The following CRPPA variants were observed in gnomAD, a reference collection of about 807,000 sequenced individuals.
CRPPA encodes the protein D-ribitol-5-phosphate cytidylyltransferase.
A neutral mutation model predicts 52.0 loss-of-function variants in CRPPA; 43 were observed. That is an observed-to-expected ratio of 0.83 (90% CI 0.65 to 1.07). CRPPA has a LOEUF of 1.07. Among genes scored for constraint, CRPPA ranks in the 50% least tolerant of loss-of-function variants. CRPPA has a pLI of 0.00. For missense variants in CRPPA, 629 were observed against 551.7 expected, an observed-to-expected ratio of 1.14 and a Z score of -1.40; for synonymous variants, 250 against 203.5, an observed-to-expected ratio of 1.23 and a Z score of -1.94.
At chr7:16,218,276 G>A (rs1170480389) in intron 8 of CRPPA, among the ~76,000 whole-genome samples, 2 of 114,348 alleles carry the variant, frequency 1.7e-5, no homozygotes, top group African/African-American at 3.3e-5. Flanking sequence ...TGCCCTACAA[G>A]AGCTCCTGAA....
intron 2 of CRPPA, among the ~76,000 whole-genome samples, chr7:16,387,074 T>TATATATATACACAC (rs1787303011): frequency 1.4e-5 from 1 of 69,842 alleles, no homozygotes; most frequent in African/African-American, 7.4e-5. Flanking sequence ...TATATATATA[T>TATATATATACACAC]ATATATATAT....
intron 9 of CRPPA, among the ~76,000 whole-genome samples, chr7:16,197,219 A>G (rs546166233): frequency 1.7e-4 from 26 of 152,304 alleles, no homozygotes; most frequent in African/African-American, 5.5e-4. Flanking sequence ...TAGGGACACA[A>G]TGGCTTTCCA....
chr7:16,321,204 C>T (rs958917005), intron 3 of CRPPA, among the ~76,000 whole-genome samples: 1 of 152,032 alleles, frequency 6.6e-6, no homozygotes, highest in Non-Finnish European at 1.5e-5. Flanking sequence ...ATACAGGAAA[C>T]AATGTTATCA....
In CRPPA at chr7:16,143,797, G is replaced by A. The variant is rs568948963; in HGVS notation, c.1252-51998C>T. On this transcript the variant is annotated intron_variant, in intron 9 of 9. Coordinates refer to ENST00000407010, the MANE Select transcript of CRPPA (RefSeq NM_001101426.4). Reference sequence around the variant, plus strand: ...AGACACTTCTAGAGGGGTACCATCTGGAAAAGTATGGCAGTTGTCCTGCCA... The same window carrying A: ...AGACACTTCTAGAGGGGTACCATCTAGAAAAGTATGGCAGTTGTCCTGCCA... 1.2e-3 allele frequency among the ~76,000 whole-genome samples: 183 copies of A among 152,206 alleles called. 2 individuals are homozygous for A. Among genetic ancestry groups the A allele is most frequent in the African/African-American group, 4.2e-3 (175 of 41,520 alleles).
chr7:16,401,409 A>G (rs1787814925), intron 2 of CRPPA, among the ~76,000 whole-genome samples: 1 of 152,228 alleles, frequency 6.6e-6, no homozygotes, highest in Non-Finnish European at 1.5e-5. Context: ...GCTATGATTT[A>G]TAACATAAAT....
intron 2 of CRPPA, among the ~76,000 whole-genome samples, chr7:16,399,692 A>G (rs188143360): frequency 6.6e-6 from 1 of 152,018 alleles, no homozygotes; most frequent in Admixed American, 6.6e-5. Context: ...GTGACACGTG[A>G]GCAACACGTG....
At chr7:16,218,064 G>A (rs1250119623) in intron 8 of CRPPA, among the ~76,000 whole-genome samples, 2 of 151,946 alleles carry the variant, frequency 1.3e-5, no homozygotes, top group African/African-American at 4.8e-5. Flanking sequence ...ACCCTCAAAG[G>A]GAAGCCCATC....
intron 2 of CRPPA, among the ~76,000 whole-genome samples, chr7:16,397,247 C>T (rs1453988124): frequency 6.6e-6 from 1 of 152,146 alleles, no homozygotes; most frequent in Admixed American, 6.5e-5. Flanking sequence ...ATGTAACTGA[C>T]ATGTACACAT....
At chr7:16,346,703 G>C (rs1175339328) in intron 3 of CRPPA, among the ~76,000 whole-genome samples, 4 of 151,988 alleles carry the variant, frequency 2.6e-5, no homozygotes, top group African/African-American at 9.7e-5. Context: ...ACTAATGTTT[G>C]GCTTTGTCAC....
In CRPPA at chr7:16,292,967, A is replaced by G. The variant is rs34003081; in HGVS notation, c.835+8454T>C. On this transcript the variant is annotated intron_variant, in intron 5 of 9. Transcript: ENST00000407010. ...GGGTCTTTTGATTTAATTTCACAAA[A>G]CAGTAATACGTAAAGTTTCTAATAC... Among the ~76,000 whole-genome samples the G allele has an allele frequency of 6.0e-3, 905 of 152,058 alleles. 7 individuals are homozygous for G. Among genetic ancestry groups the G allele is most frequent in the Non-Finnish European group, 9.1e-3 (619 of 67,870 alleles).
At chr7:16,121,568 G>T (rs556462354) in intron 9 of CRPPA, among the ~76,000 whole-genome samples, 14 of 151,984 alleles carry the variant, frequency 9.2e-5, no homozygotes, top group Non-Finnish European at 1.6e-4. Context: ...AGAAGTAAGC[G>T]TTCTTTTTTA....
At chr7:16,321,837 T>A (rs755882269) in intron 3 of CRPPA, among the ~76,000 whole-genome samples, 5 of 152,144 alleles carry the variant, frequency 3.3e-5, no homozygotes. Flanking sequence ...TCTATCCTTT[T>A]CCGAAGAAAA....
intron 5 of CRPPA, among the ~76,000 whole-genome samples, chr7:16,300,833 CAA>C (rs1784776936): frequency 6.6e-6 from 1 of 152,166 alleles, no homozygotes; most frequent in East Asian, 1.9e-4. Context: ...AGCAAAATAA[CAA>C]ATGCTTGTTG....
At chr7:16,282,731 G>A (rs747368570) in intron 5 of CRPPA, among the ~76,000 whole-genome samples, 5 of 152,050 alleles carry the variant, frequency 3.3e-5, no homozygotes, top group Non-Finnish European at 7.4e-5. Flanking sequence ...ACATAAGGAT[G>A]TAGATTCGAG....
chr7:16,267,949 T>C (rs893151905), intron 6 of CRPPA, among the ~76,000 whole-genome samples: 1 of 152,164 alleles, frequency 6.6e-6, no homozygotes, highest in Admixed American at 6.5e-5. Flanking sequence ...AAGATGTATA[T>C]AGGTTATATG....
chr7:16,182,864 G>A lies in CRPPA; in HGVS notation c.1251+33202C>T, dbSNP rs563596641. Among the ~76,000 whole-genome samples, 12 of 152,166 alleles carry A rather than the reference G, an allele frequency of 7.9e-5. No individual in the cohort carries two copies. The East Asian group carries it at 1.2e-3, about 15-fold the overall frequency. ...CTTTGAGTGTACCCTCATAGAATGC[G>A]CCAATGACGCTGAGTTGAAGTAACA... On this transcript the variant is annotated intron_variant, in intron 9 of 9. Transcript: ENST00000407010.
At chr7:16,138,500 C>T (rs1382497130) in intron 9 of CRPPA, among the ~76,000 whole-genome samples, 1 of 152,114 alleles carries the variant, frequency 6.6e-6, no homozygotes, top group Non-Finnish European at 1.5e-5. Flanking sequence ...TGCAAGTCTA[C>T]ATTTACCTAT....
At chr7:16,191,387 C>T (rs560635466) in intron 9 of CRPPA, among the ~76,000 whole-genome samples, 1 of 152,190 alleles carries the variant, frequency 6.6e-6, no homozygotes, top group East Asian at 1.9e-4. Flanking sequence ...AGTTATAACA[C>T]CCATATATTT....
intron 3 of CRPPA, among the ~76,000 whole-genome samples, chr7:16,331,093 G>A (rs532056878): frequency 1.7e-4 from 26 of 152,234 alleles, no homozygotes; most frequent in Admixed American, 4.6e-4. Context: ...TCTGCCTCCC[G>A]AGTTCACGCC....
Sources: gnomAD v4.1 joint callset for allele counts (sites outside exome capture counted in the v4.1 genomes callset) on GRCh38, gnomAD v4.1.1 for gene constraint, MANE v1.5 for transcripts, NCBI Gene and HGNC (gene_info 2026-07-23, HGNC 2026-07-21) for gene names.